REC114: variants seen among roughly 807,000 people sequenced by gnomAD.
The protein encoded by REC114 is meiotic recombination protein REC114.
In REC114, 27 loss-of-function variants were observed where a neutral mutation model predicts 31.3. The observed-to-expected ratio is 0.86, with a 90% CI of 0.64 to 1.19. The LOEUF (loss-of-function observed/expected upper bound fraction) is 1.19. Ranked by LOEUF, REC114 falls within the 50% of genes most tolerant of loss-of-function variation. The pLI is 0.00. For synonymous variants in REC114, 134 were observed against 127.7 expected (o/e 1.05, Z -0.33); for missense variants, 344 against 326.9 (o/e 1.05, Z -0.40).
At position 73,516,712 on chromosome 15, in the gene REC114, C is replaced by T. The variant is rs563785689; in HGVS notation, c.250-23773C>T. On this transcript the variant is annotated intron_variant, in intron 2 of 5. Transcript: ENST00000331090. ...AAGCAGTCTCGGCTCCCTGCAACCT[C>T]TGCCTCCTGGGTTCAAGCAATTCTC... Among the ~76,000 whole-genome samples the T allele has an allele frequency of 2.6e-5, 4 of 152,310 alleles. No homozygotes were observed. In the South Asian group the frequency reaches 8.3e-4, roughly 32 times the overall value.
At chr15:73,484,535 A>G (rs1893340503) in intron 2 of REC114, among the ~76,000 whole-genome samples, 1 of 152,222 alleles carries the variant, frequency 6.6e-6, no homozygotes, top group Admixed American at 6.5e-5. Context: ...CCAAATTTAA[A>G]AACACATTCT....
intron 2 of REC114, among the ~76,000 whole-genome samples, chr15:73,513,933 C>T (rs1005298055): frequency 2.0e-5 from 3 of 152,102 alleles, no homozygotes; most frequent in African/African-American, 7.2e-5. Context: ...GTGAAGCCTA[C>T]AGTGGCAGGC....
At position 73,509,243 on chromosome 15, in the gene REC114, CTTT is replaced by C. The variant is rs1311222843; in HGVS notation, c.250-31240_250-31238del. On this transcript the variant is annotated intron_variant, in intron 2 of 5. Transcript: ENST00000331090. ...TGTTTTTTGGCTGCATAAATGTCTT[CTTT>C]TGAGAAGTGTCTGTTCATGTCCTTC... Among the ~76,000 whole-genome samples the C allele has an allele frequency of 4.4e-3, 665 of 149,546 alleles. 4 individuals are homozygous for C. Among genetic ancestry groups the C allele is most frequent in the African/African-American group, 0.016 (636 of 39,520 alleles).
chr15:73,535,556 C>G (rs1894142996), intron 2 of REC114, among the ~76,000 whole-genome samples: 1 of 149,030 alleles, frequency 6.7e-6, no homozygotes, highest in Non-Finnish European at 1.5e-5. Flanking sequence ...ACATTCCATG[C>G]TCATGGGTAG....
In REC114 at chr15:73,513,703, C is replaced by A. The variant is rs1388391831; in HGVS notation, c.250-26782C>A. Among the ~76,000 whole-genome samples, 7 of 152,040 alleles carry A rather than the reference C, an allele frequency of 4.6e-5. No homozygotes were observed. In the South Asian group the frequency reaches 1.5e-3, roughly 32 times the overall value. ...CTGCAGGTCTGTTGGAATACCCTGC[C>A]TTGTGAGGTGTCAGTGTGCCCCTGC... On this transcript the variant is annotated intron_variant, in intron 2 of 5. Transcript: ENST00000331090.
Position 73,559,969 on chromosome 15 carries a change from CTCCTA to C in REC114, c.*54_*58del. On this transcript the variant is annotated 3_prime_UTR_variant, in exon 6 of 6. Transcript: ENST00000331090. ...ACTTCAAAGTATTGAAAAATGCTTC[CTCCTA>C]AAATTAAAGAAGATATTAGAATAAA... 5 of 1,434,648 alleles carry C rather than the reference CTCCTA, an allele frequency of 3.5e-6. No individual in the cohort carries two copies. The highest frequency in any genetic ancestry group is 4.7e-6 in the Non-Finnish European group (5 of 1,067,078). 88.9% of individuals were successfully genotyped at this position (1,434,648 alleles called of 1,614,324 possible).
intron 2 of REC114, among the ~76,000 whole-genome samples, chr15:73,514,046 C>G (rs1016654424): frequency 2.6e-5 from 4 of 152,262 alleles, no homozygotes; most frequent in South Asian, 2.1e-4. Context: ...CCCCCAGCCT[C>G]GCTGCTGCCT....
rs1217415249 is a variant in REC114 at position 73,514,246 on chromosome 15, G to T, written c.250-26239G>T. Among the ~76,000 whole-genome samples, 4 of 151,480 alleles carry T rather than the reference G, an allele frequency of 2.6e-5. No individual in the cohort carries two copies. The East Asian group carries it at 7.8e-4, about 29-fold the overall frequency. On this transcript the variant is annotated intron_variant, in intron 2 of 5. Transcript: ENST00000331090. Reference sequence around the variant, plus strand: ...CACCCCTTTCTTTGACTCGGAAAGGGAACTCCCTGACCCCTTGCGCTTCCC... The same window carrying T: ...CACCCCTTTCTTTGACTCGGAAAGGTAACTCCCTGACCCCTTGCGCTTCCC...
intron 2 of REC114, among the ~76,000 whole-genome samples, chr15:73,494,673 T>C (rs1893494223): frequency 6.6e-6 from 1 of 152,218 alleles, no homozygotes; most frequent in Admixed American, 6.5e-5. Flanking sequence ...CAGATGATGT[T>C]ACATTTTTGC....
At chr15:73,485,868 T>C (rs534492231) in intron 2 of REC114, among the ~76,000 whole-genome samples, 2 of 152,230 alleles carry the variant, frequency 1.3e-5, no homozygotes, top group Non-Finnish European at 2.9e-5. Flanking sequence ...CATAACTTTA[T>C]CACCCCCTCC....
In REC114 at chr15:73,546,029, T is replaced by C. The variant is rs148348504; in HGVS notation, c.334-4909T>C. On this transcript the variant is annotated intron_variant, in intron 3 of 5. Coordinates refer to ENST00000331090, the MANE Select transcript of REC114 (RefSeq NM_001042367.2). ...GTTCTTTTCCCTTCCTCAGGGAAGG[T>C]AGGCTTTCAATGACTCCTGATAATC... 5.0e-3 allele frequency among the ~76,000 whole-genome samples: 758 copies of C among 152,212 alleles called. 4 individuals are homozygous for C. The highest frequency in any genetic ancestry group is 0.017 in the African/African-American group (706 of 41,528).
chr15:73,528,745 G>A (rs545007484), intron 2 of REC114, among the ~76,000 whole-genome samples: 4 of 152,278 alleles, frequency 2.6e-5, no homozygotes, highest in East Asian at 3.9e-4. Flanking sequence ...GGCTGCTTTC[G>A]TGCTACAAGG....
Position 73,559,952 on chromosome 15 carries a change from G to GCATTTTTCAA in REC114, c.*36_*37insCATTTTTCAA. On this transcript the variant is annotated 3_prime_UTR_variant, in exon 6 of 6. Coordinates refer to ENST00000331090, the MANE Select transcript of REC114 (RefSeq NM_001042367.2). ...ACATATATAACTAAGGAACTTCAAA[G>GCATTTTTCAA]TATTGAAAAATGCTTCCTCCTAAAA... 6.6e-7 allele frequency: 1 copy of GCATTTTTCAA among 1,511,986 alleles called. No homozygotes were observed. The highest frequency in any genetic ancestry group is 8.8e-7 in the Non-Finnish European group (1 of 1,136,686). The allele number at this position is 1,511,986 out of a possible 1,614,324, so 93.7% of individuals were successfully genotyped here. A position where few individuals can be genotyped will look rare whatever the true frequency, so the allele number is the denominator to read the frequency against.
chr15:73,501,404 A>G (rs1180522236), intron 2 of REC114, among the ~76,000 whole-genome samples: 1 of 152,178 alleles, frequency 6.6e-6, no homozygotes, highest in Non-Finnish European at 1.5e-5. Flanking sequence ...AATGGTGATA[A>G]GAGTTTATCC....
At chr15:73,483,269 C>CT in intron 2 of REC114, 1 of 154,850 alleles carries the variant, frequency 6.5e-6, no homozygotes, top group Non-Finnish European at 1.4e-5. Context: ...TTTGAGCTGC[C>CT]GCTGCTGCTG....
intron 1 of REC114, among the ~76,000 whole-genome samples, chr15:73,461,088 T>A (rs80013269): frequency 4.0e-5 from 6 of 151,304 alleles, no homozygotes; most frequent in South Asian, 2.1e-4. Context: ...AAAAGTTCTC[T>A]ATATATATGA....
chr15:73,551,138 AC>A lies in REC114; in HGVS notation c.535del (p.Arg179GlyfsTer16), dbSNP rs767394056. On this transcript the variant is annotated frameshift_variant, in exon 4 of 6. Coordinates refer to ENST00000331090, the MANE Select transcript of REC114 (RefSeq NM_001042367.2). LOFTEE classifies it high-confidence loss of function. ...GGAAGGATTCTGCAAAGAGTGTCCC[AC>A]GGCAGCCTGGAGTAAGTAGGCTGAT... ...QGKDSAKSVPRQPGSHQHSEQ... is the reference protein window; with the variant it reads ...QGKDSAKSVPXQPGSHQHSEQ... The A allele has an allele frequency of 9.3e-6, 15 of 1,606,326 alleles. No homozygotes were observed. The highest frequency in any genetic ancestry group is 3.5e-4 in the Middle Eastern group (2 of 5,788).
intron 1 of REC114, among the ~76,000 whole-genome samples, chr15:73,448,099 G>GTT (rs112509142): frequency 6.2e-5 from 9 of 145,268 alleles, no homozygotes; most frequent in African/African-American, 2.0e-4. Flanking sequence ...GAGTTTGTTT[G>GTT]TTTTTTTTTT....
At chr15:73,482,397 C>G (rs1377680899) in intron 2 of REC114, among the ~76,000 whole-genome samples, 1 of 152,162 alleles carries the variant, frequency 6.6e-6, no homozygotes, top group African/African-American at 2.4e-5. Flanking sequence ...ATGCGACATG[C>G]CTCTTCCCCC....
Sources: gnomAD v4.1 joint callset for allele counts (sites outside exome capture counted in the v4.1 genomes callset) on GRCh38, gnomAD v4.1.1 for gene constraint, MANE v1.5 for transcripts, NCBI Gene and HGNC (gene_info 2026-07-23, HGNC 2026-07-21) for gene names.